AGBL1: variants seen among roughly 807,000 people sequenced by gnomAD.
AGBL1 encodes AGBL carboxypeptidase 1, also known as cytosolic carboxypeptidase 4.
A neutral mutation model predicts 118.9 loss-of-function variants in AGBL1; 130 were observed. The ratio of observed to expected loss-of-function variants is 1.09; its 90% CI spans 0.95 to 1.26. The LOEUF (loss-of-function observed/expected upper bound fraction) is 1.26. Among genes scored for constraint, AGBL1 ranks in the 50% most tolerant of loss-of-function variants. The pLI is 0.00. For missense variants in AGBL1, 1,584 were observed against 1,298.1 expected (o/e 1.22, Z -3.38); for synonymous variants, 555 against 478.9 (o/e 1.16, Z -2.08).
chr15:86,719,002 C>T (rs1385004071), intron 22 of AGBL1, among the ~76,000 whole-genome samples: 2 of 152,072 alleles, frequency 1.3e-5, no homozygotes, highest in African/African-American at 4.8e-5. Flanking sequence ...ACGATCTATC[C>T]CTCAACACCC....
chr15:86,949,878 T>C (rs2080861045), intron 23 of AGBL1, among the ~76,000 whole-genome samples: 1 of 152,124 alleles, frequency 6.6e-6, no homozygotes, highest in African/African-American at 2.4e-5. Flanking sequence ...ATAGGACACT[T>C]ATCATTAATA....
chr15:86,252,841 G>C (rs1033090405), intron 7 of AGBL1, among the ~76,000 whole-genome samples: 1 of 152,184 alleles, frequency 6.6e-6, no homozygotes, highest in African/African-American at 2.4e-5. Flanking sequence ...AAGATATCAA[G>C]CCATTTCCAT....
chr15:86,256,795 T>C, intron 7 of AGBL1, 58 bp from the exon 8 acceptor site: 8 of 1,552,598 alleles, frequency 5.2e-6, no homozygotes, highest in Non-Finnish European at 7.1e-6. Flanking sequence ...TTAGCTGTGT[T>C]ACAGCTAGGG....
At chr15:86,528,131 C>T (rs896264476) in intron 19 of AGBL1, among the ~76,000 whole-genome samples, 4 of 152,328 alleles carry the variant, frequency 2.6e-5, no homozygotes, top group East Asian at 1.9e-4. Flanking sequence ...GGAACAGCTC[C>T]GGTCTACAGC....
At chr15:86,461,966 C>A (rs956385518) in intron 18 of AGBL1, among the ~76,000 whole-genome samples, 4 of 152,180 alleles carry the variant, frequency 2.6e-5, no homozygotes, top group African/African-American at 9.7e-5. Context: ...TACAACCCCT[C>A]CCTGCCTCAC....
chr15:86,471,160 T>C (rs1025528366), intron 18 of AGBL1, among the ~76,000 whole-genome samples: 1 of 152,190 alleles, frequency 6.6e-6, no homozygotes, highest in African/African-American at 2.4e-5. Context: ...AGTTGTGGGA[T>C]TGACATAAAT....
chr15:86,181,135 A>G (rs909490161), intron 5 of AGBL1, among the ~76,000 whole-genome samples: 1 of 152,050 alleles, frequency 6.6e-6, no homozygotes, highest in African/African-American at 2.4e-5. Flanking sequence ...CACACCTATC[A>G]TATTGTTCAC....
intron 23 of AGBL1, among the ~76,000 whole-genome samples, chr15:86,967,454 T>C (rs1355254765): frequency 6.6e-6 from 1 of 152,134 alleles, no homozygotes; most frequent in Non-Finnish European, 1.5e-5. Flanking sequence ...GTTTTTATGG[T>C]TTTAGGTCTA....
chr15:86,288,749 T>C (rs550731273), intron 16 of AGBL1, among the ~76,000 whole-genome samples: 64 of 152,258 alleles, frequency 4.2e-4, no homozygotes, highest in Non-Finnish European at 7.6e-4. Flanking sequence ...AAATACTTTA[T>C]ATTATTATTT....
At chr15:86,767,777 A>G (rs1278472463) in intron 22 of AGBL1, among the ~76,000 whole-genome samples, 4 of 151,946 alleles carry the variant, frequency 2.6e-5, no homozygotes, top group Admixed American at 2.0e-4. Context: ...CGATGACCAG[A>G]ACTACTTCCT....
intron 21 of AGBL1, among the ~76,000 whole-genome samples, chr15:86,643,190 T>C (rs2085221355): frequency 6.6e-6 from 1 of 152,110 alleles, no homozygotes; most frequent in African/African-American, 2.4e-5. Flanking sequence ...AAAAGAAGTA[T>C]CTTATTTTGA....
intron 18 of AGBL1, among the ~76,000 whole-genome samples, chr15:86,493,935 C>A (rs1405746624): frequency 1.3e-5 from 2 of 151,982 alleles, no homozygotes; most frequent in Non-Finnish European, 2.9e-5. Context: ...TTCACTCTAT[C>A]CTTCCATTCT....
chr15:86,249,240 A>G (rs979868003), intron 7 of AGBL1, among the ~76,000 whole-genome samples: 5 of 152,132 alleles, frequency 3.3e-5, no homozygotes, highest in African/African-American at 7.2e-5. Context: ...TCTCTGGATT[A>G]GGCCACCTCT....
At chr15:86,392,986 G>A (rs1481837489) in intron 17 of AGBL1, among the ~76,000 whole-genome samples, 1 of 152,114 alleles carries the variant, frequency 6.6e-6, no homozygotes, top group East Asian at 1.9e-4. Context: ...TGAGTTCTCT[G>A]GAGTACCATT....
At chr15:86,520,081 C>T (rs1276690757) in intron 18 of AGBL1, among the ~76,000 whole-genome samples, 1 of 152,068 alleles carries the variant, frequency 6.6e-6, no homozygotes, top group African/African-American at 2.4e-5. Context: ...GACACTTCTC[C>T]CTTCCATTCA....
chr15:86,106,123 T>C (rs1267970273), intron 1 of AGBL1, among the ~76,000 whole-genome samples: 1 of 152,234 alleles, frequency 6.6e-6, no homozygotes, highest in Non-Finnish European at 1.5e-5. Context: ...GTGGGCAACC[T>C]CTCTGGTATG....
chr15:86,499,235 CA>C (rs1242618677), intron 18 of AGBL1, among the ~76,000 whole-genome samples: 1 of 151,848 alleles, frequency 6.6e-6, no homozygotes, highest in Non-Finnish European at 1.5e-5. Context: ...CAGTTATCAG[CA>C]AAGGGAATAA....
intron 3 of AGBL1, among the ~76,000 whole-genome samples, chr15:86,147,525 C>T (rs1644513313): frequency 1.3e-5 from 2 of 152,220 alleles, no homozygotes; most frequent in South Asian, 2.1e-4. Context: ...AGCAGTCTGA[C>T]ATCAATCTGT....
intron 1 of AGBL1, among the ~76,000 whole-genome samples, chr15:86,095,647 CTTTTTTTTTTTT>C (rs397854465): frequency 6.5e-5 from 1 of 15,482 alleles, no homozygotes; most frequent in Non-Finnish European, 2.1e-4. Context: ...CCTTGGATAC[CTTTTTTTTTTTT>C]TTTTTTTTTT....
Sources: gnomAD v4.1 joint callset for allele counts (sites outside exome capture counted in the v4.1 genomes callset) on GRCh38, gnomAD v4.1.1 for gene constraint, MANE v1.5 for transcripts, NCBI Gene and HGNC (gene_info 2026-07-23, HGNC 2026-07-21) for gene names.